Variants in KLRD1 observed in about 807,000 individuals in gnomAD.
The protein encoded by KLRD1 is killer cell lectin like receptor D1, also known as natural killer cells antigen CD94.
A neutral mutation model predicts 22.6 loss-of-function variants in KLRD1; 21 were observed. The observed-to-expected ratio is 0.93, with a 90% CI of 0.66 to 1.34. The LOEUF is 1.34. Ranked by LOEUF, KLRD1 falls within the 40% of genes most tolerant of loss-of-function variation. The pLI is 0.00. For synonymous variants in KLRD1, 59 were observed against 71.1 expected, an observed-to-expected ratio of 0.83 and a Z score of 0.85; for missense variants, 183 against 208.6, an observed-to-expected ratio of 0.88 and a Z score of 0.76.
chr12:10,262,119 A>G (rs560695582), intron 1 of KLRD1, among the ~76,000 whole-genome samples: 5 of 152,236 alleles, frequency 3.3e-5, no homozygotes, highest in Admixed American at 3.3e-4. Context: ...TGTTGAGTTT[A>G]GCATGCTTAA....
At chr12:10,249,164 A>G (rs1395520367) in intron 1 of KLRD1, among the ~76,000 whole-genome samples, 1 of 152,176 alleles carries the variant, frequency 6.6e-6, no homozygotes, top group East Asian at 1.9e-4. Flanking sequence ...GGCATCAGCC[A>G]ACCGGTGGGG....
At chr12:10,311,699 C>T (rs1565471279) in intron 4 of KLRD1, 84 bp downstream of exon 4, 14 of 1,242,484 alleles carry the variant, frequency 1.1e-5, no homozygotes, top group Non-Finnish European at 1.3e-5. Context: ...TGGTTTAAGT[C>T]ATTAATCACA....
intron 1 of KLRD1, among the ~76,000 whole-genome samples, chr12:10,242,071 GTTTTTTTTT>G (rs72326980): frequency 3.0e-5 from 3 of 99,396 alleles, no homozygotes; most frequent in South Asian, 3.7e-4. Flanking sequence ...TGTTCTTGCT[GTTTTTTTTT>G]TTTTTTTTTT....
intron 1 of KLRD1, among the ~76,000 whole-genome samples, chr12:10,274,421 A>G (rs181985562): frequency 7.2e-5 from 11 of 152,346 alleles, no homozygotes; most frequent in Non-Finnish European, 2.9e-5. Context: ...AGCTCCTGAT[A>G]TCTGACAAAA....
chr12:10,264,996 A>G (rs1949486361), intron 1 of KLRD1, among the ~76,000 whole-genome samples: 1 of 152,118 alleles, frequency 6.6e-6, no homozygotes, highest in African/African-American at 2.4e-5. Flanking sequence ...ACGTCTTCCA[A>G]GTTCATCCAT....
At chr12:10,298,741 C>G (rs1418432086) in intron 1 of KLRD1, among the ~76,000 whole-genome samples, 1 of 152,220 alleles carries the variant, frequency 6.6e-6, no homozygotes, top group Non-Finnish European at 1.5e-5. Flanking sequence ...AGACCCATCG[C>G]TTTATTTCAG....
intron 1 of KLRD1, among the ~76,000 whole-genome samples, chr12:10,248,174 C>T (rs865865592): frequency 1.3e-5 from 2 of 152,064 alleles, no homozygotes; most frequent in African/African-American, 4.8e-5. Flanking sequence ...TAGACACCGT[C>T]ATAGGATGGA....
intron 1 of KLRD1, among the ~76,000 whole-genome samples, chr12:10,278,492 C>G (rs1257335589): frequency 2.0e-5 from 3 of 152,170 alleles, no homozygotes; most frequent in Non-Finnish European, 4.4e-5. Flanking sequence ...AAAGCAATTT[C>G]TGACTCTACC....
rs187290921 is a variant in KLRD1 at position 10,243,311 on chromosome 12, G to A, written c.-101+17078G>A. Reference sequence around the variant, plus strand: ...CCCGAAATATATAAAATAATTTTTCGGTTAAAAGAATAAAACAGAAGGCCA... The same window carrying A: ...CCCGAAATATATAAAATAATTTTTCAGTTAAAAGAATAAAACAGAAGGCCA... On this transcript the variant is annotated intron_variant, in intron 1 of 5. Coordinates refer to the KLRD1 transcript ENST00000544747. 7.9e-4 allele frequency among the ~76,000 whole-genome samples: 120 copies of A among 151,932 alleles called. 1 individual carries two copies. Among genetic ancestry groups the A allele is most frequent in the African/African-American group, 2.7e-3 (111 of 41,418 alleles).
At chr12:10,251,504 G>C (rs535154434) in intron 1 of KLRD1, among the ~76,000 whole-genome samples, 1 of 152,206 alleles carries the variant, frequency 6.6e-6, no homozygotes, top group African/African-American at 2.4e-5. Flanking sequence ...CCCAGGGACC[G>C]GTTTCATGAA....
intron 1 of KLRD1, among the ~76,000 whole-genome samples, chr12:10,271,821 A>AT (rs1233395333): frequency 1.6e-4 from 23 of 144,516 alleles, no homozygotes; most frequent in South Asian, 1.5e-3. Context: ...AATTGGCTCC[A>AT]TTTTTTTTTG....
At position 10,315,956 on chromosome 12, in the gene KLRD1, A is replaced by G. The variant is rs1367232347; in HGVS notation, c.*1163A>G. On this transcript the variant is annotated 3_prime_UTR_variant, in exon 6 of 6. Transcript: ENST00000336164. ...AACATGGTGAAACCCTGTCTCTACT[A>G]AAAATACAAAAATTGGCTGGGTGTG... The G allele has an allele frequency of 6.6e-6, 1 of 151,604 alleles. No individual in the cohort carries two copies. The highest frequency in any genetic ancestry group is 6.6e-5 in the Admixed American group (1 of 15,220). 9.4% of individuals were successfully genotyped at this position (151,604 alleles called of 1,614,324 possible).
rs1413329273 is a variant in KLRD1, at chr12:10,317,857, G to A, written c.*3064G>A. The A allele has an allele frequency of 6.6e-6, 1 of 152,168 alleles. No individual in the cohort carries two copies. Among genetic ancestry groups the A allele is most frequent in the African/African-American group, 2.4e-5 (1 of 41,430 alleles). The allele number at this position is 152,168 out of a possible 1,614,324, so 9.4% of individuals were successfully genotyped here. The stretch of plus-strand genomic sequence containing the variant: ...AGGAAACTTACAGTAATGACAGAAG[G>A]GAAAGCAAACACATCCCTCTACGCA... On this transcript the variant is annotated 3_prime_UTR_variant, in exon 6 of 6. Coordinates refer to ENST00000336164, the MANE Select transcript of KLRD1 (RefSeq NM_002262.5).
rs1253793122 is a variant in KLRD1 at position 10,318,921 on chromosome 12, C to A, written c.*4128C>A. 2 of 151,494 alleles carry A rather than the reference C, an allele frequency of 1.3e-5. No homozygotes were observed. The highest frequency in any genetic ancestry group is 4.9e-5 in the African/African-American group (2 of 41,176). 9.4% of individuals were successfully genotyped at this position (151,494 alleles called of 1,614,324 possible). A position where few individuals can be genotyped will look rare whatever the true frequency, so the allele number is the denominator to read the frequency against. On this transcript the variant is annotated 3_prime_UTR_variant, in exon 6 of 6. Coordinates refer to ENST00000336164, the MANE Select transcript of KLRD1 (RefSeq NM_002262.5). ...TATAATTCATTTCAGTTATCTACAC[C>A]TGGAAATGTTAGTTCTATAATTTTG...
At chr12:10,301,005 G>T (rs1469711328), upstream of KLRD1, among the ~76,000 whole-genome samples, 12 of 152,054 alleles carry the variant, frequency 7.9e-5, no homozygotes, top group Admixed American at 7.9e-4. Flanking sequence ...TTAGGCTTTG[G>T]TTTAAGGGAA....
intron 1 of KLRD1, among the ~76,000 whole-genome samples, chr12:10,239,432 C>CCTTCCTTCCTT (rs1949213742): frequency 3.1e-5 from 1 of 32,028 alleles, no homozygotes; most frequent in Non-Finnish European, 5.7e-5. Flanking sequence ...ATCCTTCCTT[C>CCTTCCTTCCTT]CTTTCCTTCC....
intron 1 of KLRD1, among the ~76,000 whole-genome samples, chr12:10,284,093 A>G (rs1218979797): frequency 2.6e-5 from 4 of 151,676 alleles, no homozygotes; most frequent in South Asian, 4.2e-4. Flanking sequence ...AGGCTGAGGC[A>G]GGAGAATCAC....
At chr12:10,302,915 A>C (rs1428458404), upstream of KLRD1, among the ~76,000 whole-genome samples, 1 of 152,220 alleles carries the variant, frequency 6.6e-6, no homozygotes, top group South Asian at 2.1e-4. Flanking sequence ...GGCCCCTCTC[A>C]TAATCCTAAC....
At chr12:10,309,804 C>T in intron 3 of KLRD1, 116 bp downstream of exon 3, 1 of 726,078 alleles carries the variant, frequency 1.4e-6, no homozygotes, top group Non-Finnish European at 2.4e-6. Flanking sequence ...AATTTGCCTA[C>T]CAGTGTAGGA....
Sources: gnomAD v4.1 joint callset for allele counts (sites outside exome capture counted in the v4.1 genomes callset) on GRCh38, gnomAD v4.1.1 for gene constraint, MANE v1.5 for transcripts, NCBI Gene and HGNC (gene_info 2026-07-23, HGNC 2026-07-21) for gene names.